The following ZHX2 variants were observed in gnomAD, a reference collection of about 807,000 sequenced individuals.
The protein encoded by ZHX2 is zinc fingers and homeoboxes 2.
In ZHX2, 6 loss-of-function variants were observed where a neutral mutation model predicts 21.9. The ratio of observed to expected loss-of-function variants is 0.27; its 90% CI spans 0.15 to 0.54. ZHX2 has a LOEUF of 0.54. Ranked by LOEUF, ZHX2 falls within the 20% of genes least tolerant of loss-of-function variation. The pLI, the probability that ZHX2 is intolerant of heterozygous loss-of-function variation, is 0.95. For synonymous variants in ZHX2, 434 were observed against 437.1 expected (o/e 0.99, Z 0.09); for missense variants, 908 against 1,090.7 (o/e 0.83, Z 2.36).
chr8:122,827,764 GA>G (rs149427237), intron 1 of ZHX2, among the ~76,000 whole-genome samples: 1 of 152,174 alleles, frequency 6.6e-6, no homozygotes, highest in Non-Finnish European at 1.5e-5. Flanking sequence ...TAGTTGCAGT[GA>G]AAAAACCACA....
chr8:122,928,394 A>C (rs974955171), intron 2 of ZHX2, among the ~76,000 whole-genome samples: 1 of 152,190 alleles, frequency 6.6e-6, no homozygotes, highest in Admixed American at 6.5e-5. Flanking sequence ...GGGGACATTC[A>C]AAGATCCTGT....
At chr8:122,971,422 A>G (rs1813717240) in intron 3 of ZHX2, among the ~76,000 whole-genome samples, 1 of 151,636 alleles carries the variant, frequency 6.6e-6, no homozygotes, top group Admixed American at 6.6e-5. Flanking sequence ...CACCCCTGGA[A>G]TCTGGTTTTA....
At chr8:122,914,504 A>G (rs1315824534) in intron 2 of ZHX2, among the ~76,000 whole-genome samples, 1 of 151,958 alleles carries the variant, frequency 6.6e-6, no homozygotes, top group South Asian at 2.1e-4. Flanking sequence ...TTTCAATCTC[A>G]TTACCCGGTG....
intron 2 of ZHX2, among the ~76,000 whole-genome samples, chr8:122,928,599 G>C (rs1032088286): frequency 2.1e-4 from 32 of 152,188 alleles, no homozygotes; most frequent in African/African-American, 7.5e-4. Flanking sequence ...GGGCAAATTG[G>C]GATAAAGAGA....
At chr8:122,890,083 A>G (rs1246685738) in intron 2 of ZHX2, among the ~76,000 whole-genome samples, 1 of 152,088 alleles carries the variant, frequency 6.6e-6, no homozygotes, top group Non-Finnish European at 1.5e-5. Context: ...GTAGTTTTAT[A>G]GTTTGGGGTC....
At chr8:122,969,656 A>G (rs1813671003) in intron 3 of ZHX2, among the ~76,000 whole-genome samples, 1 of 152,224 alleles carries the variant, frequency 6.6e-6, no homozygotes, top group South Asian at 2.1e-4. Context: ...TAGAAGCCAG[A>G]TGACAATGGA....
chr8:122,903,756 A>C (rs1468391010), intron 2 of ZHX2, among the ~76,000 whole-genome samples: 1 of 152,178 alleles, frequency 6.6e-6, no homozygotes, highest in African/African-American at 2.4e-5. Context: ...TAGAAAGATG[A>C]AACTGGTGTT....
At chr8:122,793,248 G>A (rs1255845266) in intron 1 of ZHX2, among the ~76,000 whole-genome samples, 1 of 152,186 alleles carries the variant, frequency 6.6e-6, no homozygotes, top group East Asian at 1.9e-4. Context: ...AGTCCCTATA[G>A]GTTGAGGGAC....
intron 2 of ZHX2, among the ~76,000 whole-genome samples, chr8:122,895,014 G>A (rs1820064167): frequency 6.6e-6 from 1 of 152,132 alleles, no homozygotes; most frequent in African/African-American, 2.4e-5. Flanking sequence ...AAATGCAGAG[G>A]CATTTTTTCT....
At chr8:122,884,727 T>C (rs1273914662) in intron 2 of ZHX2, among the ~76,000 whole-genome samples, 1 of 152,150 alleles carries the variant, frequency 6.6e-6, no homozygotes, top group Non-Finnish European at 1.5e-5. Context: ...AAATGCAGGG[T>C]GCAGTGGGCC....
rs554667092 is a variant in ZHX2 at position 122,930,817 on chromosome 8, G to A, written c.-219-20475G>A. ...AGAGACCATCTAAAAGATGGAGGACGGGGGTGCTGGGAATATTGTCAGACC... is the reference window on the plus strand; with the variant it reads ...AGAGACCATCTAAAAGATGGAGGACAGGGGTGCTGGGAATATTGTCAGACC... On this transcript the variant is annotated intron_variant, in intron 2 of 3. Transcript: ENST00000314393. Among the ~76,000 whole-genome samples the A allele has an allele frequency of 1.7e-4, 26 of 152,052 alleles. No homozygotes were observed. The South Asian group carries it at 3.8e-3, about 22-fold the overall frequency.
At chr8:122,964,114 C>G (rs77262109) in intron 3 of ZHX2, among the ~76,000 whole-genome samples, 5,488 of 152,008 alleles carry the variant, frequency 0.036, 332 homozygotes, top group African/African-American at 0.13. Context: ...GTCTGACTTC[C>G]TTAACTTGTA....
At chr8:122,939,623 T>G (rs567073128) in intron 2 of ZHX2, among the ~76,000 whole-genome samples, 20 of 152,194 alleles carry the variant, frequency 1.3e-4, no homozygotes, top group African/African-American at 4.8e-4. Flanking sequence ...AAAGAGATGC[T>G]TGGAGATGGA....
intron 1 of ZHX2, among the ~76,000 whole-genome samples, chr8:122,815,197 C>T (rs866568092): frequency 9.2e-5 from 14 of 152,166 alleles, no homozygotes; most frequent in African/African-American, 1.9e-4. Flanking sequence ...GTACGTACCA[C>T]GGGCCAGGCA....
In ZHX2 at chr8:122,788,269, G is replaced by A. The variant is rs1198907404; in HGVS notation, c.-283+6323G>A. On this transcript the variant is annotated intron_variant, in intron 1 of 3. Coordinates refer to ENST00000314393, the MANE Select transcript of ZHX2 (RefSeq NM_014943.5). The stretch of plus-strand genomic sequence containing the variant: ...CAGTGTAATTCCACTTAAAAGGTAG[G>A]AAAAATGGGCTAGCTTGATGGCTCA... Among the ~76,000 whole-genome samples, 3 of 152,176 alleles carry A rather than the reference G, an allele frequency of 2.0e-5. No individual in the cohort carries two copies. The East Asian group carries it at 5.8e-4, about 29-fold the overall frequency.
intron 2 of ZHX2, among the ~76,000 whole-genome samples, chr8:122,921,325 C>T (rs913686648): frequency 6.6e-6 from 1 of 152,016 alleles, no homozygotes; most frequent in East Asian, 1.9e-4. Context: ...CTCAGGTGAC[C>T]CACCCACCTC....
intron 2 of ZHX2, among the ~76,000 whole-genome samples, chr8:122,946,874 T>TGC (rs1554588168): frequency 1.1e-4 from 16 of 151,976 alleles, no homozygotes; most frequent in Non-Finnish European, 1.9e-4. Context: ...TGCACACGCA[T>TGC]GCACACACAC....
intron 2 of ZHX2, among the ~76,000 whole-genome samples, chr8:122,945,930 TGCA>T (rs1391120297): frequency 6.6e-6 from 1 of 152,128 alleles, no homozygotes; most frequent in Non-Finnish European, 1.5e-5. Flanking sequence ...CCCTGGATGG[TGCA>T]GCCCAAGGGA....
intron 1 of ZHX2, among the ~76,000 whole-genome samples, chr8:122,836,383 C>T (rs959204311): frequency 6.6e-6 from 1 of 152,206 alleles, no homozygotes; most frequent in Admixed American, 6.5e-5. Flanking sequence ...GCTGCTGTGG[C>T]TTGCTCTCCG....
Sources: gnomAD v4.1 joint callset for allele counts (sites outside exome capture counted in the v4.1 genomes callset) on GRCh38, gnomAD v4.1.1 for gene constraint, MANE v1.5 for transcripts, NCBI Gene and HGNC (gene_info 2026-07-23, HGNC 2026-07-21) for gene names.